Variants in CPPED1 observed in about 807,000 individuals in gnomAD.
CPPED1 encodes the protein serine/threonine-protein phosphatase CPPED1.
CPPED1 carries 28 observed loss-of-function variants against 28.0 expected under a neutral mutation model. The ratio of observed to expected loss-of-function variants is 1.00; its 90% confidence interval spans 0.74 to 1.37. CPPED1 has a LOEUF of 1.37. CPPED1 is among the 40% of genes most tolerant of loss of function. The pLI is 0.00. For missense variants in CPPED1, 504 were observed against 416.5 expected (o/e 1.21, Z -1.83); for synonymous variants, 198 against 180.2 (o/e 1.10, Z -0.79).
intron 2 of CPPED1, among the ~76,000 whole-genome samples, chr16:12,723,644 T>C (rs1408718164): frequency 1.3e-5 from 2 of 152,176 alleles, no homozygotes; most frequent in East Asian, 3.9e-4. Flanking sequence ...CTGCTGTGTA[T>C]ACCCCCAATC....
At chr16:12,696,567 G>A (rs939456075) in intron 3 of CPPED1, among the ~76,000 whole-genome samples, 58 of 149,888 alleles carry the variant, frequency 3.9e-4, no homozygotes, top group African/African-American at 1.3e-3. Context: ...TCAGCCTCCT[G>A]AGTAGCTGGG....
chr16:12,723,357 C>T (rs151272667), intron 2 of CPPED1, among the ~76,000 whole-genome samples: 1 of 152,088 alleles, frequency 6.6e-6, no homozygotes, highest in Non-Finnish European at 1.5e-5. Flanking sequence ...AAGTCCTGAC[C>T]CCAGTACCTC....
intron 2 of CPPED1, among the ~76,000 whole-genome samples, chr16:12,710,422 T>C (rs1205966352): frequency 1.3e-5 from 2 of 151,550 alleles, no homozygotes; most frequent in Admixed American, 6.6e-5. Context: ...AAAGGTCATT[T>C]TGAATATAAA....
intron 2 of CPPED1, chr16:12,752,891 A>G (rs1567296224): frequency 6.7e-6 from 1 of 148,480 alleles, no homozygotes; most frequent in East Asian, 1.9e-4. Context: ...ATAATTACAT[A>G]TTAATAACAT....
In CPPED1 at chr16:12,704,509, C is replaced by T. The variant is rs1429955652; in HGVS notation, c.715+115G>A. On this transcript the variant is annotated intron_variant, in intron 3 of 3. Transcript: ENST00000381774. ...AGTCCAAGAGCTGGTATCAGAACTCCCGGCCTAGTCCTCTCTCCCTTTTTG... is the reference window on the plus strand; with the variant it reads ...AGTCCAAGAGCTGGTATCAGAACTCTCGGCCTAGTCCTCTCTCCCTTTTTG... 4.4e-6 allele frequency: 5 copies of T among 1,127,100 alleles called. No individual in the cohort carries two copies. The Admixed American group carries it at 9.9e-5, about 22-fold the overall frequency. 69.8% of individuals were successfully genotyped at this position (1,127,100 alleles called of 1,614,324 possible).
rs138424374 is a variant in CPPED1 at position 12,769,475 on chromosome 16, C to A, written c.289+11710G>T. 3.4e-3 allele frequency among the ~76,000 whole-genome samples: 521 copies of A among 152,266 alleles called. 2 individuals carry two copies. The highest frequency in any genetic ancestry group is 0.012 in the African/African-American group (501 of 41,564). On this transcript the variant is annotated intron_variant, in intron 2 of 3. Coordinates refer to ENST00000381774, the MANE Select transcript of CPPED1 (RefSeq NM_018340.3). ...CAGCCAGTGTGTCTCCTCTGCCGGACTGCCACGTAGAAAATGCTGGCAGGG... is the reference window on the plus strand; with the variant it reads ...CAGCCAGTGTGTCTCCTCTGCCGGAATGCCACGTAGAAAATGCTGGCAGGG...
chr16:12,664,517 T>C lies in CPPED1; in HGVS notation c.*369A>G. ...TTAAGGAATTATCAAAGATCATACT[T>C]GGCTGTCAGATTGGAATTGAGGTCG... On this transcript the variant is annotated 3_prime_UTR_variant, in exon 4 of 4. Coordinates refer to ENST00000381774, the MANE Select transcript of CPPED1 (RefSeq NM_018340.3). This position sits in a 1 kb window ranked among gnomAD's most constrained non-coding sequence, Gnocchi z 4.2. 9.3e-7 allele frequency: 1 copy of C among 1,070,718 alleles called. No homozygotes were observed. Among genetic ancestry groups the C allele is most frequent in the Non-Finnish European group, 1.1e-6 (1 of 884,498 alleles). The allele number at this position is 1,070,718 out of a possible 1,614,324, so 66.3% of individuals were successfully genotyped here. A position where few individuals can be genotyped will look rare whatever the true frequency, so the allele number is the denominator to read the frequency against.
At chr16:12,703,012 CA>C (rs11385568) in intron 3 of CPPED1, among the ~76,000 whole-genome samples, 105 of 122,088 alleles carry the variant, frequency 8.6e-4, no homozygotes, top group Non-Finnish European at 6.2e-4. Context: ...GACTCCGTCT[CA>C]AAAAAAAAAA....
chr16:12,764,203 ATT>A (rs11354214), intron 2 of CPPED1, among the ~76,000 whole-genome samples: 560 of 146,818 alleles, frequency 3.8e-3, no homozygotes, highest in African/African-American at 9.9e-3. Context: ...TTTGATTTTA[ATT>A]TTTTTTTTTT....
intron 3 of CPPED1, among the ~76,000 whole-genome samples, chr16:12,672,185 T>C (rs1950908206): frequency 6.6e-6 from 1 of 152,218 alleles, no homozygotes; most frequent in South Asian, 2.1e-4. Flanking sequence ...TGACTTCTTA[T>C]TAGAATTTGA....
Position 12,682,399 on chromosome 16 carries a change from C to A in CPPED1, c.716-17284G>T, listed in dbSNP as rs2079909888. Among the ~76,000 whole-genome samples, 1 of 152,296 alleles carries A rather than the reference C, an allele frequency of 6.6e-6. No homozygotes were observed. Among genetic ancestry groups the A allele is most frequent in the East Asian group, 1.9e-4 (1 of 5,184 alleles). On this transcript the variant is annotated intron_variant, in intron 3 of 3. Coordinates refer to ENST00000381774, the MANE Select transcript of CPPED1 (RefSeq NM_018340.3). This position sits in a 1 kb window ranked among gnomAD's most constrained non-coding sequence, Gnocchi z 6.1. ...TTTTATTTTTTCCCCTTCCTGATGA[C>A]TTACAGATTCAAAACCTGTAGAATA...
At chr16:12,758,163 T>A (rs535011426) in intron 2 of CPPED1, among the ~76,000 whole-genome samples, 1 of 152,076 alleles carries the variant, frequency 6.6e-6, no homozygotes, top group Non-Finnish European at 1.5e-5. Context: ...AAAACAGCCA[T>A]GACATCACTC....
chr16:12,665,153 C>T (rs990796339), intron 3 of CPPED1, 38 bp from the exon 4 acceptor site: 6 of 1,572,492 alleles, frequency 3.8e-6, no homozygotes, highest in African/African-American at 2.8e-5. Flanking sequence ...GGGCCGAGGA[C>T]TTCCATTAGG....
chr16:12,803,859 T>C lies in CPPED1; in HGVS notation c.-83A>G. ...TCACACAGAACAACCGCTGGACCTG[T>C]CCCGCTTTGGGCGACGCCCTTTGAT... On this transcript the variant is annotated 5_prime_UTR_variant, in exon 1 of 4. Coordinates refer to ENST00000381774, the MANE Select transcript of CPPED1 (RefSeq NM_018340.3). 1 of 1,233,606 alleles carries C rather than the reference T, an allele frequency of 8.1e-7. No individual in the cohort carries two copies. The highest frequency in any genetic ancestry group is 1.1e-6 in the Non-Finnish European group (1 of 901,696). 76.4% of individuals were successfully genotyped at this position (1,233,606 alleles called of 1,614,324 possible). A position where few individuals can be genotyped will look rare whatever the true frequency, so the allele number is the denominator to read the frequency against.
At chr16:12,701,892 G>A (rs1163045048) in intron 3 of CPPED1, among the ~76,000 whole-genome samples, 4 of 152,152 alleles carry the variant, frequency 2.6e-5, no homozygotes, top group Non-Finnish European at 5.9e-5. Flanking sequence ...GGATTCCAGC[G>A]CCTGATGTCA....
At chr16:12,800,264 C>T (rs2080651231) in intron 1 of CPPED1, among the ~76,000 whole-genome samples, 1 of 152,124 alleles carries the variant, frequency 6.6e-6, no homozygotes, top group East Asian at 1.9e-4. Context: ...CATGGCGAAA[C>T]CCTGTCTCTA....
At position 12,704,811 on chromosome 16, in the gene CPPED1, G is replaced by C. The variant is rs773571112; in HGVS notation, c.528C>G (p.Ser176Arg). 3 of 1,614,240 alleles carry C rather than the reference G, an allele frequency of 1.9e-6. No homozygotes were observed. Among genetic ancestry groups the C allele is most frequent in the Non-Finnish European group, 2.5e-6 (3 of 1,180,054 alleles). The change falls in exon 3 of 4, where the codon AGC becomes AGG. Residue 176 changes from serine to arginine, a missense_variant. Physicochemically the swap from Ser to Arg is moderately radical, Grantham distance 110. Transcript: ENST00000381774. ...QFYENPSKCPSLKQAQDQWLD... is the reference protein window; with the variant it reads ...QFYENPSKCPRLKQAQDQWLD... ...GCCACTGGTCCTGAGCCTGCTTCAGGCTGGGGCATTTGGAGGGGTTCTCGT... is the reference window on the plus strand; with the variant it reads ...GCCACTGGTCCTGAGCCTGCTTCAGCCTGGGGCATTTGGAGGGGTTCTCGT...
intron 2 of CPPED1, among the ~76,000 whole-genome samples, chr16:12,739,934 T>C (rs868546142): frequency 1.3e-5 from 2 of 151,366 alleles, no homozygotes; most frequent in Admixed American, 6.6e-5. Context: ...TAACAAGAAA[T>C]TGGCAGAGAC....
At chr16:12,677,812 G>C (rs2079885456) in intron 3 of CPPED1, among the ~76,000 whole-genome samples, 1 of 152,202 alleles carries the variant, frequency 6.6e-6, no homozygotes, top group African/African-American at 2.4e-5. Context: ...AACTTCTTTT[G>C]AGGATCACTT....
Sources: allele counts gnomAD v4.1 joint callset (sites outside exome capture counted in the v4.1 genomes callset), GRCh38; gene constraint gnomAD v4.1.1; non-coding constraint Gnocchi (gnomAD v3.1); transcripts MANE v1.5; gene names NCBI Gene and HGNC (gene_info 2026-07-23, HGNC 2026-07-21).